NRDE2: variants seen among roughly 807,000 people sequenced by gnomAD.
NRDE2 encodes nuclear exosome regulator NRDE2.
NRDE2 carries 76 observed loss-of-function variants against 124.2 expected under a neutral mutation model. That is an observed-to-expected ratio of 0.61 (90% CI 0.51 to 0.74). The LOEUF (loss-of-function observed/expected upper bound fraction) is 0.74. NRDE2 is among the 30% of genes least tolerant of loss of function. The pLI, the probability that NRDE2 is intolerant of heterozygous loss-of-function variation, is 0.00. For synonymous variants in NRDE2, 489 were observed against 528.1 expected (o/e 0.93, Z 1.01); for missense variants, 1,314 against 1,417.3 (o/e 0.93, Z 1.17).
chr14:90,270,073 C>A lies in NRDE2; in HGVS notation c.*8263G>T. 2.0e-6 allele frequency: 2 copies of A among 978,820 alleles called. No individual in the cohort carries two copies. The highest frequency in any genetic ancestry group is 3.0e-6 in the Non-Finnish European group (2 of 670,806). 60.6% of individuals were successfully genotyped at this position (978,820 alleles called of 1,614,324 possible). A position where few individuals can be genotyped will look rare whatever the true frequency, so the allele number is the denominator to read the frequency against. ...ATATGTTTACTTTTTAAAATTTAGA[C>A]ATCCTTCCCACAGAATTCTGTCCGA... On this transcript the variant is annotated 3_prime_UTR_variant, in exon 14 of 14. Coordinates refer to ENST00000354366, the MANE Select transcript of NRDE2 (RefSeq NM_017970.4).
In NRDE2 at chr14:90,269,388, T is replaced by TC; in HGVS notation, c.*8947_*8948insG. On this transcript the variant is annotated 3_prime_UTR_variant, in exon 14 of 14. Transcript: ENST00000354366. ...AGTCTTCATTCCTTCCCTTTTTTTT[T>TC]TTCCAAAGATATGACTCCAATTCTG... is the stretch of plus-strand genomic sequence containing the variant. 6.3e-7 allele frequency: 1 copy of TC among 1,597,054 alleles called. No homozygotes were observed. The highest frequency in any genetic ancestry group is 1.1e-5 in the South Asian group (1 of 88,206).
In NRDE2 at chr14:90,304,141, T is replaced by C. The variant is rs150585386; in HGVS notation, c.799A>G (p.Thr267Ala). The C allele has an allele frequency of 6.1e-4, 985 of 1,614,110 alleles. 2 individuals carry two copies. Among genetic ancestry groups the C allele is most frequent in the South Asian group, 3.1e-3 (285 of 91,076 alleles). The stretch of plus-strand genomic sequence containing the variant: ...TAAATCCCCAGAGGATTCAACCAGG[T>C]TGTAACAGGAGCCGCATCTTCCAAG... The part of the protein sequence containing the change: ...KDLEDAAPVT[T>A]WLNPLGIYDQ... Residue 267 changes from threonine to alanine, a missense_variant, in exon 5 of 14, where the codon ACC becomes GCC. Coordinates refer to ENST00000354366, the MANE Select transcript of NRDE2 (RefSeq NM_017970.4).
At position 90,278,467 on chromosome 14, in the gene NRDE2, G is replaced by A. The variant is rs745963878; in HGVS notation, c.3370-6C>T. 8 of 1,613,560 alleles carry A rather than the reference G, an allele frequency of 5.0e-6. No individual in the cohort carries two copies. Among genetic ancestry groups the A allele is most frequent in the African/African-American group, 1.3e-5 (1 of 74,914 alleles). On this transcript the variant is annotated splice_polypyrimidine_tract_variant and splice_region_variant and intron_variant, in intron 13 of 13. Coordinates refer to ENST00000354366, the MANE Select transcript of NRDE2 (RefSeq NM_017970.4). Reference sequence around the variant, plus strand: ...ACGGCGTCCAGGTACAACACCTAGGGGGCAGGCAGGAAGGCCGCCCCACTC... The same window carrying A: ...ACGGCGTCCAGGTACAACACCTAGGAGGCAGGCAGGAAGGCCGCCCCACTC...
At chr14:90,296,914 G>A (rs1451620933) in intron 8 of NRDE2, among the ~76,000 whole-genome samples, 6 of 151,964 alleles carry the variant, frequency 3.9e-5, no homozygotes, top group Non-Finnish European at 5.9e-5. Flanking sequence ...AGAGGTGGGC[G>A]GATTACTTGA....
At chr14:90,300,574 T>G (rs1412635297) in intron 7 of NRDE2, among the ~76,000 whole-genome samples, 1 of 151,766 alleles carries the variant, frequency 6.6e-6, no homozygotes, top group Non-Finnish European at 1.5e-5. Flanking sequence ...ATTCTTTATT[T>G]CTTCACTTAT....
At position 90,317,658 on chromosome 14, in the gene NRDE2, CCTCT is replaced by C. The variant is rs553289128; in HGVS notation, c.173+343_173+346del. ...GCCATTTTTAATCTTATACAAGCTC[CCTCT>C]CTATTTTTACAAAAGGGTTGAAAAT... On this transcript the variant is annotated intron_variant, in intron 2 of 13. Transcript: ENST00000354366. The C allele has an allele frequency of 3.5e-3, 590 of 169,086 alleles. 2 individuals are homozygous for C. Among genetic ancestry groups the C allele is most frequent in the African/African-American group, 0.013 (560 of 42,192 alleles). 10.5% of individuals were successfully genotyped at this position (169,086 alleles called of 1,614,324 possible). A position where few individuals can be genotyped will look rare whatever the true frequency, so the allele number is the denominator to read the frequency against.
At chr14:90,317,693 T>TA (rs1885095625) in intron 2 of NRDE2, 2 of 203,908 alleles carry the variant, frequency 9.8e-6, no homozygotes, top group South Asian at 1.9e-4. Flanking sequence ...AAAATGTAAC[T>TA]AAAAAAATAC....
In NRDE2 at chr14:90,303,922, T is replaced by C; in HGVS notation, c.1005+13A>G. On this transcript the variant is annotated intron_variant, in intron 5 of 13. Transcript: ENST00000354366. Reference sequence around the variant, plus strand: ...TCCTTCTAAGGTAAGAGAATTGGGATGGCAACACATACCTGAAAAGCAACA... The same window carrying C: ...TCCTTCTAAGGTAAGAGAATTGGGACGGCAACACATACCTGAAAAGCAACA... 4 of 1,584,896 alleles carry C rather than the reference T, an allele frequency of 2.5e-6. No homozygotes were observed. The highest frequency in any genetic ancestry group is 3.4e-6 in the Non-Finnish European group (4 of 1,162,588).
Position 90,303,806 on chromosome 14 carries a change from A to G in NRDE2, c.1005+129T>C, listed in dbSNP as rs73318643. On this transcript the variant is annotated intron_variant, in intron 5 of 13. Transcript: ENST00000354366. ...TGAGCGAGCTCAGGGCAAAGGCTCT[A>G]TTCTAATAATCTTTGTATGCCCAGT... The G allele has an allele frequency of 5.0e-3, 4,085 of 822,442 alleles. 113 individuals are homozygous for G. In the African/African-American group the frequency reaches 0.062, roughly 13 times the overall value. The allele number at this position is 822,442 out of a possible 1,614,324, so 50.9% of individuals were successfully genotyped here. A position where few individuals can be genotyped will look rare whatever the true frequency, so the allele number is the denominator to read the frequency against.
At chr14:90,278,626 A>G in intron 13 of NRDE2, 165 bp from the exon 14 acceptor site, 1 of 770,516 alleles carries the variant, frequency 1.3e-6, no homozygotes, top group Non-Finnish European at 2.0e-6. Context: ...AGCACTGGGC[A>G]TGTTCAGGAA....
intron 13 of NRDE2, 87 bp downstream of exon 13, chr14:90,278,975 C>T (rs1276374120): frequency 2.1e-5 from 20 of 930,412 alleles, no homozygotes; most frequent in Non-Finnish European, 2.8e-5. Context: ...CCCGGTGCCG[C>T]GGGGCAGGCC....
At position 90,279,120 on chromosome 14, in the gene NRDE2, T is replaced by C. The variant is rs1031952503; in HGVS notation, c.3311A>G (p.Asn1104Ser). Residue 1104 changes from asparagine (N) to serine (S), a missense_variant, in exon 13 of 14, where the codon AAT (asparagine) becomes AGT (serine). Asn to Ser is a conservative substitution (Grantham distance 46, BLOSUM62 1). Transcript: ENST00000354366. ...GAATACACCTTTGCTTCTTTCTTTA[T>C]TTCCTAAGGAAACCTGAGGTGAGGG... ...MYLNFLVSLG[N>S]KERSKGVFYK... 1.2e-6 allele frequency: 2 copies of C among 1,611,750 alleles called. No individual in the cohort carries two copies. The highest frequency in any genetic ancestry group is 1.7e-4 in the Middle Eastern group (1 of 6,060).
At chr14:90,310,324 TGCTGCTGCCTG>T (rs773918427) in intron 4 of NRDE2, among the ~76,000 whole-genome samples, 8 of 152,174 alleles carry the variant, frequency 5.3e-5, no homozygotes, top group Admixed American at 5.2e-4. Context: ...ATCCCAACCT[TGCTGCTGCCTG>T]GCTGCATGAT....
chr14:90,278,027 C>CA lies in NRDE2; in HGVS notation c.*308dup, dbSNP rs1432390500. ...TGCGGGGGCCAGTGCTGGCTGCGCA[C>CA]AGGGAGAGAATGAGCAAGGACGCTG... On this transcript the variant is annotated 3_prime_UTR_variant, in exon 14 of 14. Transcript: ENST00000354366. The CA allele has an allele frequency of 9.9e-5, 24 of 242,516 alleles. No individual in the cohort carries two copies. In the Admixed American group the frequency reaches 1.1e-3, roughly 11 times the overall value. 15.0% of individuals were successfully genotyped at this position (242,516 alleles called of 1,614,324 possible).
chr14:90,312,592 T>C (rs777966177), intron 3 of NRDE2, 49 bp from the exon 4 acceptor site: 31 of 1,602,222 alleles, frequency 1.9e-5, no homozygotes, highest in Non-Finnish European at 2.6e-5. Flanking sequence ...TAAAAAATCT[T>C]CCAGTGACGC....
Position 90,326,463 on chromosome 14 carries a change from T to C in NRDE2, c.64+5378A>G, listed in dbSNP as rs561617200. Among the ~76,000 whole-genome samples the C allele has an allele frequency of 7.2e-4, 103 of 143,100 alleles. No homozygotes were observed. In the Middle Eastern group the frequency reaches 0.015, roughly 21 times the overall value. 93.9% of individuals were successfully genotyped at this position (143,100 alleles called of 152,430 possible). A position where few individuals can be genotyped will look rare whatever the true frequency, so the allele number is the denominator to read the frequency against. ...GAGCCGAGATCGCGCCACTGCAGTC[T>C]GCAGTCCGGCCTGGGCGACAGAGCG... is the stretch of plus-strand genomic sequence containing the variant. On this transcript the variant is annotated intron_variant, in intron 1 of 13. Coordinates refer to ENST00000354366, the MANE Select transcript of NRDE2 (RefSeq NM_017970.4).
intron 8 of NRDE2, among the ~76,000 whole-genome samples, chr14:90,296,219 G>C (rs781142187): frequency 2.0e-5 from 3 of 152,202 alleles, no homozygotes; most frequent in Non-Finnish European, 2.9e-5. Context: ...TGCTAAGTCA[G>C]TCACTCAGAG....
intron 4 of NRDE2, among the ~76,000 whole-genome samples, chr14:90,309,614 G>C (rs916410859): frequency 1.3e-5 from 2 of 152,108 alleles, no homozygotes. Context: ...GGGGGAGACA[G>C]ATTCAAGTGC....
Position 90,294,242 on chromosome 14 carries a change from G to C in NRDE2, c.1667-1370C>G, listed in dbSNP as rs539698258. ...TCCCAGGGATGTGGACAAATCGGAAGCCTGGTGCCCTGCTGGTGGGAATGT... is the reference window on the plus strand; with the variant it reads ...TCCCAGGGATGTGGACAAATCGGAACCCTGGTGCCCTGCTGGTGGGAATGT... On this transcript the variant is annotated intron_variant, in intron 8 of 13. Coordinates refer to ENST00000354366, the MANE Select transcript of NRDE2 (RefSeq NM_017970.4). 9.2e-5 allele frequency among the ~76,000 whole-genome samples: 14 copies of C among 152,026 alleles called. No individual in the cohort carries two copies. In the South Asian group the frequency reaches 2.5e-3, roughly 27 times the overall value.
Sources: gnomAD v4.1 joint callset for allele counts (sites outside exome capture counted in the v4.1 genomes callset) on GRCh38, gnomAD v4.1.1 for gene constraint, MANE v1.5 for transcripts, NCBI Gene and HGNC (gene_info 2026-07-23, HGNC 2026-07-21) for gene names.